Variants in POSTN observed in about 807,000 individuals in gnomAD.
POSTN encodes the protein osteoblast specific factor 2 (fasciclin I-like).
A neutral mutation model predicts 104.5 loss-of-function variants in POSTN; 71 were observed. The ratio of observed to expected loss-of-function variants is 0.68; its 90% CI spans 0.56 to 0.83. The LOEUF is 0.83. Among genes scored for constraint, POSTN ranks in the 40% least tolerant of loss-of-function variants. The pLI is 0.00. For missense variants in POSTN, 949 were observed against 1,006.8 expected (o/e 0.94, Z 0.78); for synonymous variants, 355 against 340.7 (o/e 1.04, Z -0.46).
At chr13:37,574,066 C>T (rs1950332433) in intron 17 of POSTN, among the ~76,000 whole-genome samples, 2 of 151,392 alleles carry the variant, frequency 1.3e-5, no homozygotes, top group South Asian at 4.2e-4. Flanking sequence ...TTCTGATGGT[C>T]TAATTAAAAA....
chr13:37,583,289 A>G (rs1373206261), intron 9 of POSTN, among the ~76,000 whole-genome samples: 1 of 152,058 alleles, frequency 6.6e-6, no homozygotes, highest in Non-Finnish European at 1.5e-5. Context: ...CCAAATTTTG[A>G]GATGCAAAAC....
At chr13:37,586,059 T>A in intron 7 of POSTN, 80 bp downstream of exon 7, 3 of 1,329,152 alleles carry the variant, frequency 2.3e-6, no homozygotes, top group Non-Finnish European at 3.0e-6. Context: ...AAAACTAATA[T>A]TATTGGTAAG....
At chr13:37,594,962 AG>A (rs1325647197) in intron 2 of POSTN, among the ~76,000 whole-genome samples, 6 of 152,012 alleles carry the variant, frequency 3.9e-5, no homozygotes, top group Admixed American at 2.6e-4. Flanking sequence ...AATCTACTTT[AG>A]AAAAATAAGC....
At chr13:37,585,118 C>T (rs1950706975) in intron 7 of POSTN, among the ~76,000 whole-genome samples, 190 bp from the exon 8 acceptor site, 1 of 152,150 alleles carries the variant, frequency 6.6e-6, no homozygotes, top group Admixed American at 6.6e-5. Flanking sequence ...AGAAACAGCT[C>T]AGCTTCGTAG....
intron 21 of POSTN, 101 bp from the exon 22 acceptor site, chr13:37,564,661 T>C (rs758442280): frequency 2.2e-5 from 13 of 582,804 alleles, no homozygotes; most frequent in Non-Finnish European, 3.7e-5. Flanking sequence ...TAAATAAGTA[T>C]CACTTAAACA....
intron 21 of POSTN, among the ~76,000 whole-genome samples, chr13:37,567,603 A>T (rs187640775): frequency 0.03 from 4,554 of 152,156 alleles, 215 homozygotes; most frequent in African/African-American, 0.1. Flanking sequence ...AAAAACTTTT[A>T]ATTTTTTTTG....
Position 37,579,908 on chromosome 13 carries a change from T to C in POSTN, c.1613A>G (p.Asn538Ser), listed in dbSNP as rs781464641. 3 of 1,613,768 alleles carry C rather than the reference T, an allele frequency of 1.9e-6. No homozygotes were observed. Among genetic ancestry groups the C allele is most frequent in the Non-Finnish European group, 2.5e-6 (3 of 1,179,732 alleles). Residue 538 changes from asparagine (N) to serine (S), a missense_variant, in exon 12 of 23, where the codon AAT (asparagine) becomes AGT (serine). Physicochemically the swap from Asn to Ser is conservative, Grantham distance 46. Coordinates refer to ENST00000379747, the MANE Select transcript of POSTN (RefSeq NM_006475.3). ...PGDWTLFVPTNDAFKGMTSEE... is the reference protein window; with the variant it reads ...PGDWTLFVPTSDAFKGMTSEE... ...ACTAGTCATTCCCTTAAAAGCATCA[T>C]TGGTTGGCACAAATAATGTCCAGTC...
chr13:37,570,821 T>C, intron 18 of POSTN, 152 bp from the exon 19 acceptor site: 1 of 589,216 alleles, frequency 1.7e-6, no homozygotes, highest in Non-Finnish European at 3.0e-6. Flanking sequence ...CCCCCAAAAA[T>C]CATATCAATA....
At chr13:37,580,054 G>C (rs1266608278) in intron 11 of POSTN, 63 bp from the exon 12 acceptor site, 2 of 1,413,330 alleles carry the variant, frequency 1.4e-6, no homozygotes, top group Non-Finnish European at 2.0e-6. Context: ...CACCTACAGT[G>C]CATGTAATAG....
In POSTN at chr13:37,597,126, T is replaced by C. The variant is rs1010184075; in HGVS notation, c.218+58A>G. On this transcript the variant is annotated intron_variant, in intron 2 of 22. Coordinates refer to ENST00000379747, the MANE Select transcript of POSTN (RefSeq NM_006475.3). ...TGGTGTGTACACCCAGGGGAAGGCA[T>C]ATACATCATGATGTTGTTTTTGGAA... 8 of 1,157,892 alleles carry C rather than the reference T, an allele frequency of 6.9e-6. No homozygotes were observed. The African/African-American group carries it at 1.3e-4, about 19-fold the overall frequency. The allele number at this position is 1,157,892 out of a possible 1,614,324, so 71.7% of individuals were successfully genotyped here.
rs60857655 is a variant in POSTN at position 37,578,798 on chromosome 13, C to CAAAA, written c.1962+42_1962+45dup. ...TGGGCGACAAAGCGAGACTCCATCT[C>CAAAA]AAAAAAAAAAAAAAAAAAAGAAATA... On this transcript the variant is annotated intron_variant, in intron 15 of 22. Coordinates refer to ENST00000379747, the MANE Select transcript of POSTN (RefSeq NM_006475.3). 1.5e-3 allele frequency: 1,666 copies of CAAAA among 1,129,360 alleles called. 15 individuals are homozygous for CAAAA. The African/African-American group carries it at 0.027, about 18-fold the overall frequency. 70.0% of individuals were successfully genotyped at this position (1,129,360 alleles called of 1,614,324 possible). A position where few individuals can be genotyped will look rare whatever the true frequency, so the allele number is the denominator to read the frequency against.
At chr13:37,579,397 T>C (rs1309144556) in intron 12 of POSTN, 38 bp from the exon 13 acceptor site, 2 of 1,482,646 alleles carry the variant, frequency 1.3e-6, no homozygotes, top group African/African-American at 1.4e-5. Flanking sequence ...TTGAATAATA[T>C]GACTTTTTGA....
At chr13:37,584,124 A>G in intron 8 of POSTN, 21 bp from the exon 9 acceptor site, 4 of 1,613,010 alleles carry the variant, frequency 2.5e-6, no homozygotes, top group Non-Finnish European at 2.5e-6. Context: ...AACCATCACC[A>G]TCACAACAAT....
At chr13:37,584,133 A>G (rs375009217) in intron 8 of POSTN, 30 bp from the exon 9 acceptor site, 1 of 1,612,230 alleles carries the variant, frequency 6.2e-7, no homozygotes, top group African/African-American at 1.3e-5. Flanking sequence ...CATCACAACA[A>G]TGTCATCATT....
intron 22 of POSTN, among the ~76,000 whole-genome samples, 191 bp downstream of exon 22, chr13:37,564,328 C>T (rs1950027950): frequency 6.7e-6 from 1 of 149,706 alleles, no homozygotes; most frequent in African/African-American, 2.4e-5. Context: ...TTATTAGATT[C>T]TGATAGTATA....
intron 19 of POSTN, among the ~76,000 whole-genome samples, 182 bp downstream of exon 19, chr13:37,570,398 T>G (rs745608082): frequency 8.6e-5 from 13 of 151,838 alleles, no homozygotes; most frequent in Non-Finnish European, 1.9e-4. Flanking sequence ...CTACAAATTT[T>G]CAATTCAGAG....
intron 21 of POSTN, among the ~76,000 whole-genome samples, chr13:37,567,640 C>T (rs776565624): frequency 6.6e-6 from 1 of 152,038 alleles, no homozygotes; most frequent in African/African-American, 2.4e-5. Context: ...TAATAGTTGA[C>T]GTGGCATTGT....
intron 8 of POSTN, among the ~76,000 whole-genome samples, chr13:37,584,346 T>C (rs1043399805): frequency 2.0e-5 from 3 of 152,226 alleles, no homozygotes; most frequent in African/African-American, 7.2e-5. Flanking sequence ...CATGTTTCTT[T>C]AATTCTCTAT....
At chr13:37,594,148 C>G (rs1951017798) in intron 2 of POSTN, among the ~76,000 whole-genome samples, 1 of 151,832 alleles carries the variant, frequency 6.6e-6, no homozygotes, top group Non-Finnish European at 1.5e-5. Flanking sequence ...TATTGGATGT[C>G]AAAAGATTGA....
Sources: allele counts gnomAD v4.1 joint callset (sites outside exome capture counted in the v4.1 genomes callset), GRCh38; gene constraint gnomAD v4.1.1; transcripts MANE v1.5; gene names NCBI Gene and HGNC (gene_info 2026-07-23, HGNC 2026-07-21).